The following NCK1 variants were observed in gnomAD, a reference collection of about 807,000 sequenced individuals.
The protein encoded by NCK1 is SH2/SH3 adapter protein NCK1.
Under a neutral mutation model 36.6 loss-of-function variants are expected in NCK1, and 19 were observed. That is an observed-to-expected ratio of 0.52 (90% confidence interval 0.36 to 0.76). NCK1 has a LOEUF of 0.76. Ranked by LOEUF, NCK1 falls within the 30% of genes least tolerant of loss-of-function variation. The probability of loss-of-function intolerance (pLI) is 0.00; values close to 1 mark genes in which losing one functional copy is unlikely to be tolerated. For synonymous variants in NCK1, 165 were observed against 156.0 expected (o/e 1.06, Z -0.43); for missense variants, 358 against 445.6 (o/e 0.80, Z 1.77).
intron 1 of NCK1, among the ~76,000 whole-genome samples, chr3:136,867,796 C>T (rs1938493686): frequency 6.6e-6 from 1 of 152,148 alleles, no homozygotes; most frequent in Non-Finnish European, 1.5e-5. Flanking sequence ...TTTATGAAAC[C>T]ATACTACTTC....
At chr3:136,902,314 C>T (rs1939566173) in intron 1 of NCK1, among the ~76,000 whole-genome samples, 1 of 151,806 alleles carries the variant, frequency 6.6e-6, no homozygotes, top group Non-Finnish European at 1.5e-5. Flanking sequence ...TCTTGTGCCT[C>T]AGCCTCCTGA....
At chr3:136,943,252 TACTC>T (rs1166758665) in intron 2 of NCK1, among the ~76,000 whole-genome samples, 3 of 152,192 alleles carry the variant, frequency 2.0e-5, no homozygotes, top group Non-Finnish European at 2.9e-5. Context: ...TGGAGTTCCT[TACTC>T]TACTATTTTT....
intron 1 of NCK1, among the ~76,000 whole-genome samples, chr3:136,904,957 G>A (rs1361472508): frequency 7.4e-6 from 1 of 135,920 alleles, no homozygotes; most frequent in African/African-American, 2.7e-5. Context: ...AACGTAGTTT[G>A]TATTTCATTC....
chr3:136,879,747 A>G (rs1368774324), intron 1 of NCK1, among the ~76,000 whole-genome samples: 1 of 152,144 alleles, frequency 6.6e-6, no homozygotes, highest in East Asian at 1.9e-4. Flanking sequence ...ATTCTCAGCA[A>G]AATATCACAA....
intron 1 of NCK1, among the ~76,000 whole-genome samples, chr3:136,923,061 C>T (rs1440536879): frequency 6.6e-6 from 1 of 152,018 alleles, no homozygotes; most frequent in African/African-American, 2.4e-5. Context: ...GATTGTTAAA[C>T]TGAAAATGAA....
At chr3:136,934,421 G>T (rs1940471722) in intron 2 of NCK1, among the ~76,000 whole-genome samples, 1 of 151,838 alleles carries the variant, frequency 6.6e-6, no homozygotes. Flanking sequence ...GAGTAGCTGG[G>T]ATTACAGGTG....
At chr3:136,945,210 A>T (rs1045842042) in intron 2 of NCK1, among the ~76,000 whole-genome samples, 2 of 152,192 alleles carry the variant, frequency 1.3e-5, no homozygotes, top group African/African-American at 4.8e-5. Flanking sequence ...AGACAAGAAG[A>T]GTATGGGTGT....
At chr3:136,929,771 A>T (rs1231005847) in intron 2 of NCK1, among the ~76,000 whole-genome samples, 1 of 152,240 alleles carries the variant, frequency 6.6e-6, no homozygotes, top group Non-Finnish European at 1.5e-5. Context: ...TGAATGTGAC[A>T]GTAATTAACA....
At chr3:136,920,347 A>T (rs1218365581) in intron 1 of NCK1, among the ~76,000 whole-genome samples, 3 of 152,200 alleles carry the variant, frequency 2.0e-5, no homozygotes, top group Non-Finnish European at 4.4e-5. Context: ...GAGAAGGCAC[A>T]AAATAATGAC....
At chr3:136,927,489 G>A (rs993351782) in intron 1 of NCK1, among the ~76,000 whole-genome samples, 1 of 152,112 alleles carries the variant, frequency 6.6e-6, no homozygotes, top group Non-Finnish European at 1.5e-5. Flanking sequence ...AGTTTTGTTT[G>A]ATACTAATAG....
chr3:136,903,796 T>C (rs1387577359), intron 1 of NCK1, among the ~76,000 whole-genome samples: 2 of 152,172 alleles, frequency 1.3e-5, no homozygotes, highest in Non-Finnish European at 2.9e-5. Context: ...GTGTGAAGGC[T>C]TATTTCTGTC....
intron 1 of NCK1, among the ~76,000 whole-genome samples, chr3:136,898,105 GTGGCTGT>G (rs1447759496): frequency 1.3e-5 from 2 of 152,094 alleles, no homozygotes; most frequent in Admixed American, 1.3e-4. Context: ...TCAGAAGCAG[GTGGCTGT>G]TGGTGGGGTG....
chr3:136,947,873 G>T (rs1940868732), intron 3 of NCK1, among the ~76,000 whole-genome samples: 1 of 152,102 alleles, frequency 6.6e-6, no homozygotes, highest in Admixed American at 6.6e-5. Context: ...GGTTGGGTGG[G>T]TATCTTAGAC....
intron 1 of NCK1, among the ~76,000 whole-genome samples, chr3:136,866,843 C>T (rs1938427988): frequency 6.6e-6 from 1 of 152,018 alleles, no homozygotes; most frequent in Non-Finnish European, 1.5e-5. Flanking sequence ...GAACTCCCGA[C>T]CTCAGGTGAT....
chr3:136,904,244 C>G lies in NCK1; in HGVS notation c.-18-23740C>G, dbSNP rs1322732290. Among the ~76,000 whole-genome samples the G allele has an allele frequency of 2.0e-5, 3 of 152,074 alleles. No individual in the cohort carries two copies. The East Asian group carries it at 5.8e-4, about 29-fold the overall frequency. ...CTCAGCTCACTGCAGCCTCTGCCTC[C>G]TGGGTTCAAGTGATTCTTCTACTTT... On this transcript the variant is annotated intron_variant, in intron 1 of 3. Coordinates refer to ENST00000481752, the MANE Select transcript of NCK1 (RefSeq NM_001291999.2).
intron 1 of NCK1, among the ~76,000 whole-genome samples, chr3:136,908,029 G>C (rs932431152): frequency 6.6e-6 from 1 of 152,038 alleles, no homozygotes; most frequent in African/African-American, 2.4e-5. Flanking sequence ...TAGTAGTGAT[G>C]GTGTTTCTGA....
In NCK1 at chr3:136,871,103, A is replaced by G. The variant is rs555361611; in HGVS notation, c.-19+8750A>G. Among the ~76,000 whole-genome samples, 19 of 151,810 alleles carry G rather than the reference A, an allele frequency of 1.3e-4. No individual in the cohort carries two copies. The South Asian group carries it at 3.7e-3, about 30-fold the overall frequency. Reference sequence around the variant, plus strand: ...TAAAAAGCTTACTAATTTTTTTTTAAAAAATTGTTTAGTCTGGGCATGGTG... The same window carrying G: ...TAAAAAGCTTACTAATTTTTTTTTAGAAAATTGTTTAGTCTGGGCATGGTG... On this transcript the variant is annotated intron_variant, in intron 1 of 3. Transcript: ENST00000481752.
chr3:136,912,492 C>T (rs1393177528), intron 1 of NCK1, among the ~76,000 whole-genome samples: 1 of 145,592 alleles, frequency 6.9e-6, no homozygotes, highest in African/African-American at 2.5e-5. Context: ...TTTCTTCAGT[C>T]TTTTTTTTTT....
At chr3:136,863,753 A>G (rs1938319051) in intron 1 of NCK1, among the ~76,000 whole-genome samples, 1 of 152,234 alleles carries the variant, frequency 6.6e-6, no homozygotes, top group Admixed American at 6.5e-5. Flanking sequence ...AGGTTTTGAC[A>G]GTGCTTTCAG....
Sources: allele counts gnomAD v4.1 joint callset (sites outside exome capture counted in the v4.1 genomes callset), GRCh38; gene constraint gnomAD v4.1.1; transcripts MANE v1.5; gene names NCBI Gene and HGNC (gene_info 2026-07-23, HGNC 2026-07-21).